The following FRAS1 variants were observed in gnomAD, a reference collection of about 807,000 sequenced individuals.
The protein encoded by FRAS1 is Fraser extracellular matrix complex subunit 1, also known as extracellular matrix organizing protein FRAS1.
In FRAS1, 290 loss-of-function variants were observed where a neutral mutation model predicts 435.2. The observed-to-expected ratio is 0.67, with a 90% CI of 0.61 to 0.73. The LOEUF is 0.73. Among genes scored for constraint, FRAS1 ranks in the 30% least tolerant of loss-of-function variants. The pLI is 0.00. For synonymous variants in FRAS1, 1,800 were observed against 1,851.0 expected (o/e 0.97, Z 0.71); for missense variants, 4,860 against 5,001.5 (o/e 0.97, Z 0.85).
At chr4:78,248,416 T>A (rs1325813088) in intron 4 of FRAS1, among the ~76,000 whole-genome samples, 1 of 152,208 alleles carries the variant, frequency 6.6e-6, no homozygotes, top group East Asian at 1.9e-4. Flanking sequence ...TGTTTACTAA[T>A]CTAACCTCAG....
chr4:78,380,037 A>G (rs534031580), intron 27 of FRAS1, 41 bp downstream of exon 27: 6 of 1,596,512 alleles, frequency 3.8e-6, no homozygotes, highest in East Asian at 4.5e-5. Context: ...CCTCCTTTCC[A>G]TCATTGCTTT....
intron 28 of FRAS1, 22 bp from the exon 29 acceptor site, chr4:78,387,353 C>T: frequency 6.4e-7 from 1 of 1,563,212 alleles, no homozygotes. Context: ...TTAACTGACT[C>T]TTCTTCCCTT....
chr4:78,455,895 G>A (rs1211063351), intron 47 of FRAS1, among the ~76,000 whole-genome samples: 1 of 152,150 alleles, frequency 6.6e-6, no homozygotes, highest in Non-Finnish European at 1.5e-5. Context: ...TAAGCTGCTG[G>A]ACCAAGGAGA....
At chr4:78,226,452 T>C (rs529675664) in intron 2 of FRAS1, among the ~76,000 whole-genome samples, 27 of 152,108 alleles carry the variant, frequency 1.8e-4, no homozygotes, top group Non-Finnish European at 1.6e-4. Flanking sequence ...GAAAGGTATT[T>C]TTGCTGGGTA....
chr4:78,323,196 G>A (rs759040279), intron 18 of FRAS1, among the ~76,000 whole-genome samples: 6 of 152,234 alleles, frequency 3.9e-5, no homozygotes, highest in Non-Finnish European at 7.3e-5. Flanking sequence ...TTTCCAAAGT[G>A]TGGCTAGAAT....
In FRAS1 at chr4:78,544,212, T is replaced by C. The variant is rs558505725; in HGVS notation, c.*3088T>C. ...TTGTGTGTTATGAATTTCTGATTTC[T>C]CCAATAGTATATGCCACTATATAAA... On this transcript the variant is annotated 3_prime_UTR_variant, in exon 74 of 74. Coordinates refer to ENST00000512123, the MANE Select transcript of FRAS1 (RefSeq NM_025074.7). 1.4e-4 allele frequency: 21 copies of C among 152,808 alleles called. No homozygotes were observed. The highest frequency in any genetic ancestry group is 5.0e-4 in the African/African-American group (21 of 41,596). 9.5% of individuals were successfully genotyped at this position (152,808 alleles called of 1,614,324 possible).
intron 41 of FRAS1, among the ~76,000 whole-genome samples, chr4:78,443,527 G>A (rs565903944): frequency 3.3e-5 from 5 of 152,324 alleles, no homozygotes; most frequent in Admixed American, 2.6e-4. Context: ...ATTCAGGACT[G>A]GCACAGACAA....
At position 78,452,352 on chromosome 4, in the gene FRAS1, C is replaced by T; in HGVS notation, c.6761C>T (p.Pro2254Leu). 1.3e-6 allele frequency: 2 copies of T among 1,596,808 alleles called. No homozygotes were observed. The highest frequency in any genetic ancestry group is 1.1e-5 in the South Asian group (1 of 87,056). ...GGCCACTTGGAACATGCAGCATCAC[C>T]AGGTAAGTCTATCATCTCTTGATTT... ...QLGHLEHAAS[P>L]GIQISSFTQA... is the part of the protein sequence containing the mutation. The change falls in exon 47 of 74, where the codon CCA (proline) becomes CTA (leucine). Residue 2254 changes from proline to leucine, a missense_variant and splice_region_variant. By Grantham distance (98) the Pro-to-Leu change is moderately conservative. Transcript: ENST00000512123.
chr4:78,276,754 T>C (rs1727061961), intron 9 of FRAS1, among the ~76,000 whole-genome samples: 1 of 152,184 alleles, frequency 6.6e-6, no homozygotes, highest in Non-Finnish European at 1.5e-5. Flanking sequence ...TTAGGCTACT[T>C]GGGGGTCAGG....
chr4:78,281,317 A>G, intron 10 of FRAS1, 81 bp from the exon 11 acceptor site: 1 of 904,444 alleles, frequency 1.1e-6, no homozygotes, highest in Non-Finnish European at 1.7e-6. Flanking sequence ...GGAAAAATGG[A>G]TAACTCCTAA....
chr4:78,430,298 A>G lies in FRAS1; in HGVS notation c.4850A>G (p.Gln1617Arg). The G allele has an allele frequency of 5.0e-6, 8 of 1,613,868 alleles. No homozygotes were observed. The highest frequency in any genetic ancestry group is 6.8e-6 in the Non-Finnish European group (8 of 1,179,860). Residue 1617 changes from glutamine (Q) to arginine (R), a missense_variant, in exon 37 of 74, where the codon CAG (glutamine) becomes CGG (arginine). By Grantham distance (43) the Gln-to-Arg change is conservative (BLOSUM62 1). Coordinates refer to ENST00000512123, the MANE Select transcript of FRAS1 (RefSeq NM_025074.7). ...SPGGSTSVGLQVVVRDAETAP... is the reference protein window; with the variant it reads ...SPGGSTSVGLRVVVRDAETAP... The stretch of plus-strand genomic sequence containing the variant: ...TTCCTTCTCCTTGCTGCAGGACTTC[A>G]GGTGGTAGTAAGAGATGCTGAGACA...
intron 2 of FRAS1, among the ~76,000 whole-genome samples, chr4:78,136,759 G>A (rs762646285): frequency 5.3e-5 from 8 of 152,172 alleles, no homozygotes; most frequent in African/African-American, 7.2e-5. Context: ...GTGCCATTGG[G>A]AGAGTTCCCA....
Position 78,278,547 on chromosome 4 carries a change from G to A in FRAS1, c.982-108G>A. 5.9e-6 allele frequency: 4 copies of A among 679,360 alleles called. No individual in the cohort carries two copies. In the South Asian group the frequency reaches 6.6e-5, roughly 11 times the overall value. 42.1% of individuals were successfully genotyped at this position (679,360 alleles called of 1,614,324 possible). On this transcript the variant is annotated intron_variant, in intron 9 of 73. Coordinates refer to ENST00000512123, the MANE Select transcript of FRAS1 (RefSeq NM_025074.7). ...CAGGCAGAGGGCCAGAGCCAACAGTGTGCCAGCGTTTCTTATTCCAGTCAG... is the reference window on the plus strand; with the variant it reads ...CAGGCAGAGGGCCAGAGCCAACAGTATGCCAGCGTTTCTTATTCCAGTCAG...
chr4:78,184,601 G>A (rs992763582), intron 2 of FRAS1, among the ~76,000 whole-genome samples: 1 of 152,160 alleles, frequency 6.6e-6, no homozygotes, highest in Non-Finnish European at 1.5e-5. Flanking sequence ...TATAGGACAG[G>A]CAGCCAGGAA....
intron 2 of FRAS1, among the ~76,000 whole-genome samples, chr4:78,101,141 A>T (rs1742109053): frequency 6.6e-6 from 1 of 152,078 alleles, no homozygotes; most frequent in Non-Finnish European, 1.5e-5. Context: ...AGCTTGGCAT[A>T]AGACTAATTT....
At chr4:78,156,637 T>C (rs1047036128) in intron 2 of FRAS1, among the ~76,000 whole-genome samples, 1 of 152,208 alleles carries the variant, frequency 6.6e-6, no homozygotes, top group Non-Finnish European at 1.5e-5. Context: ...CTAAATAAGA[T>C]ACTGTTCCCA....
chr4:78,315,006 T>A (rs1729178641), intron 15 of FRAS1, among the ~76,000 whole-genome samples: 1 of 152,242 alleles, frequency 6.6e-6, no homozygotes, highest in Non-Finnish European at 1.5e-5. Context: ...TTTGTTTTTG[T>A]GTTTCTAACC....
chr4:78,181,771 T>C, intron 2 of FRAS1: 1 of 1,610,818 alleles, frequency 6.2e-7, no homozygotes, highest in Admixed American at 1.7e-5. Context: ...GCGTCTCCTC[T>C]TTCTTGTCAA....
intron 2 of FRAS1, among the ~76,000 whole-genome samples, chr4:78,090,844 A>G (rs563396433): frequency 1.3e-5 from 2 of 152,314 alleles, no homozygotes; most frequent in African/African-American, 4.8e-5. Flanking sequence ...ATAATTTTCA[A>G]ATGTAAAACT....
Sources: allele counts gnomAD v4.1 joint callset (sites outside exome capture counted in the v4.1 genomes callset), GRCh38; gene constraint gnomAD v4.1.1; transcripts MANE v1.5; gene names NCBI Gene and HGNC (gene_info 2026-07-23, HGNC 2026-07-21).